Variants in TMTC1 observed in about 807,000 individuals in gnomAD.
TMTC1 encodes protein O-mannosyl-transferase TMTC1.
A neutral mutation model predicts 104.8 loss-of-function variants in TMTC1; 73 were observed. That is an observed-to-expected ratio of 0.70 (90% CI 0.58 to 0.85). TMTC1 has a LOEUF of 0.85. TMTC1 is among the 40% of genes least tolerant of loss of function. TMTC1 has a pLI of 0.00. For synonymous variants in TMTC1, 434 were observed against 428.7 expected (o/e 1.01, Z -0.15); for missense variants, 1,035 against 1,096.1 (o/e 0.94, Z 0.79).
At chr12:29,760,787 T>A (rs990429259) in intron 2 of TMTC1, among the ~76,000 whole-genome samples, 3 of 150,778 alleles carry the variant, frequency 2.0e-5, no homozygotes, top group Non-Finnish European at 4.4e-5. Context: ...TTATTGCATA[T>A]TAATTTATTC....
At position 29,672,306 on chromosome 12, in the gene TMTC1, C is replaced by A. The variant is rs564597209; in HGVS notation, c.939-38970G>T. On this transcript the variant is annotated intron_variant, in intron 5 of 17. Transcript: ENST00000539277. ...ACAGCCCCCTGCCATGTTTCCAACTCTAATTTGCTCCCAAAAAGTTTCAAA... is the reference window on the plus strand; with the variant it reads ...ACAGCCCCCTGCCATGTTTCCAACTATAATTTGCTCCCAAAAAGTTTCAAA... 4.2e-4 allele frequency among the ~76,000 whole-genome samples: 64 copies of A among 152,344 alleles called. 3 individuals carry two copies. The South Asian group carries it at 0.011, about 27-fold the overall frequency.
chr12:29,770,406 G>A (rs981416342), intron 1 of TMTC1, among the ~76,000 whole-genome samples: 1 of 152,090 alleles, frequency 6.6e-6, no homozygotes, highest in African/African-American at 2.4e-5. Context: ...AAATACTTCT[G>A]TAAGACAGAC....
At chr12:29,600,008 A>ATATATATTTT (rs59108744) in intron 7 of TMTC1, among the ~76,000 whole-genome samples, 2 of 118,686 alleles carry the variant, frequency 1.7e-5, no homozygotes, top group Non-Finnish European at 1.6e-5. Flanking sequence ...ATATATATAT[A>ATATATATTTT]TTTTTTTTTT....
intron 6 of TMTC1, among the ~76,000 whole-genome samples, chr12:29,615,418 A>T (rs1291018660): frequency 6.6e-6 from 1 of 152,216 alleles, no homozygotes; most frequent in Non-Finnish European, 1.5e-5. Flanking sequence ...GCCTTCTTTT[A>T]AATCATGTTA....
chr12:29,622,950 A>C (rs1314466108), intron 6 of TMTC1, among the ~76,000 whole-genome samples: 1 of 152,170 alleles, frequency 6.6e-6, no homozygotes, highest in African/African-American at 2.4e-5. Context: ...ACAATCTCTA[A>C]ATTCATTGTG....
chr12:29,569,039 T>C (rs1407015089), intron 9 of TMTC1: 2 of 453,730 alleles, frequency 4.4e-6, no homozygotes, highest in African/African-American at 2.0e-5. Context: ...AAGCTAACAC[T>C]TGATGTTTGT....
chr12:29,728,833 CAA>C (rs113484573), intron 5 of TMTC1, among the ~76,000 whole-genome samples: 170 of 129,456 alleles, frequency 1.3e-3, no homozygotes, highest in African/African-American at 4.1e-3. Context: ...CGCCGTCCTA[CAA>C]AAAAAAAAAA....
At chr12:29,714,786 C>G (rs1006659195) in intron 5 of TMTC1, among the ~76,000 whole-genome samples, 14 of 152,104 alleles carry the variant, frequency 9.2e-5, no homozygotes, top group Admixed American at 4.6e-4. Flanking sequence ...ATGTCCCTGG[C>G]TCAGACTCCC....
In TMTC1 at chr12:29,724,085, C is replaced by A. The variant is rs996729246; in HGVS notation, c.938+27581G>T. ...CATTAACGACCCTAAGAAAAATCAG[C>A]AAGAGACTTGAAAAGGCGCTTCGCA... is the stretch of plus-strand genomic sequence containing the variant. On this transcript the variant is annotated intron_variant, in intron 5 of 17. Coordinates refer to ENST00000539277, the MANE Select transcript of TMTC1 (RefSeq NM_001193451.2). Among the ~76,000 whole-genome samples, 3 of 152,060 alleles carry A rather than the reference C, an allele frequency of 2.0e-5. No homozygotes were observed. In the South Asian group the frequency reaches 6.2e-4, roughly 32 times the overall value.
intron 9 of TMTC1, among the ~76,000 whole-genome samples, chr12:29,563,646 A>C (rs964015087): frequency 2.6e-5 from 4 of 152,322 alleles, no homozygotes; most frequent in Middle Eastern, 3.4e-3. Flanking sequence ...TGCCATTGAG[A>C]AACACTGTTT....
chr12:29,582,841 G>C (rs978801311), intron 8 of TMTC1, among the ~76,000 whole-genome samples: 1 of 152,198 alleles, frequency 6.6e-6, no homozygotes, highest in African/African-American at 2.4e-5. Context: ...ATATTGTTTG[G>C]GTGTCAGGTG....
At chr12:29,533,093 T>C (rs1050009749) in intron 11 of TMTC1, 3 of 152,212 alleles carry the variant, frequency 2.0e-5, no homozygotes, top group Admixed American at 6.5e-5. Context: ...CAAGGTTTTC[T>C]TCCTCACATG....
chr12:29,713,334 CACACACAG>C (rs1490535691), intron 5 of TMTC1, among the ~76,000 whole-genome samples: 4 of 148,500 alleles, frequency 2.7e-5, no homozygotes, highest in African/African-American at 9.8e-5. Context: ...CACACACACA[CACACACAG>C]GGAGAGAGAG....
chr12:29,760,566 A>C (rs1943320529), intron 2 of TMTC1, among the ~76,000 whole-genome samples: 2 of 152,234 alleles, frequency 1.3e-5, no homozygotes, highest in African/African-American at 4.8e-5. Flanking sequence ...CTACGTCTTA[A>C]CTGTGGAATC....
intron 5 of TMTC1, among the ~76,000 whole-genome samples, chr12:29,678,664 T>C (rs1940811345): frequency 6.6e-6 from 1 of 152,166 alleles, no homozygotes; most frequent in Admixed American, 6.5e-5. Context: ...TCTTAACTAG[T>C]GGAGATGCCA....
intron 5 of TMTC1, among the ~76,000 whole-genome samples, chr12:29,720,929 C>T (rs948983315): frequency 6.6e-6 from 1 of 151,876 alleles, no homozygotes; most frequent in African/African-American, 2.4e-5. Context: ...TGATTATATA[C>T]AAAAAAAGTG....
chr12:29,652,776 T>C (rs112631276), intron 5 of TMTC1, among the ~76,000 whole-genome samples: 122 of 152,338 alleles, frequency 8.0e-4, no homozygotes, highest in African/African-American at 2.8e-3. Context: ...GGAATAAATA[T>C]CTTCGCTGGG....
chr12:29,766,373 C>T (rs1463843265), intron 2 of TMTC1, among the ~76,000 whole-genome samples: 1 of 152,182 alleles, frequency 6.6e-6, no homozygotes, highest in East Asian at 1.9e-4. Context: ...TACTATTATG[C>T]ATCCCCATGA....
chr12:29,653,380 G>A (rs907214195), intron 5 of TMTC1, among the ~76,000 whole-genome samples: 13 of 152,084 alleles, frequency 8.5e-5, no homozygotes, highest in Non-Finnish European at 1.5e-4. Context: ...GTCACAGCAC[G>A]AGGGGACTAC....
Sources: gnomAD v4.1 joint callset for allele counts (sites outside exome capture counted in the v4.1 genomes callset) on GRCh38, gnomAD v4.1.1 for gene constraint, MANE v1.5 for transcripts, NCBI Gene and HGNC (gene_info 2026-07-23, HGNC 2026-07-21) for gene names.